The following STK3 variants were observed in gnomAD, a reference collection of about 807,000 sequenced individuals.
The protein encoded by STK3 is serine/threonine-protein kinase 3.
STK3 carries 41 observed loss-of-function variants against 58.0 expected under a neutral mutation model. The observed-to-expected ratio is 0.71, with a 90% CI of 0.55 to 0.92. The LOEUF is 0.92. Ranked by LOEUF, STK3 falls within the 40% of genes least tolerant of loss-of-function variation. The pLI, the probability that STK3 is intolerant of heterozygous loss-of-function variation, is 0.00. For missense variants in STK3, 479 were observed against 602.7 expected, an observed-to-expected ratio of 0.79 and a Z score of 2.15; for synonymous variants, 170 against 191.0, an observed-to-expected ratio of 0.89 and a Z score of 0.91.
At chr8:98,941,165 G>C (rs970159667) in intron 1 of STK3, among the ~76,000 whole-genome samples, 1 of 152,254 alleles carries the variant, frequency 6.6e-6, no homozygotes, top group Non-Finnish European at 1.5e-5. Flanking sequence ...ACTGCAGCCC[G>C]CGGCTGCGCT....
chr8:98,459,387 G>A (rs563110811), intron 10 of STK3, among the ~76,000 whole-genome samples: 2 of 152,330 alleles, frequency 1.3e-5, no homozygotes, highest in East Asian at 3.9e-4. Context: ...TTCACAAATA[G>A]ATGGTTTGAA....
intron 9 of STK3, among the ~76,000 whole-genome samples, chr8:98,536,405 G>A (rs1231129507): frequency 6.6e-6 from 1 of 151,964 alleles, no homozygotes; most frequent in Non-Finnish European, 1.5e-5. Flanking sequence ...ATAAGCTATG[G>A]GCTATGATCA....
rs543398589 is a variant in STK3 at position 98,909,488 on chromosome 8, T to A, written c.-78-25654A>T. Reference sequence around the variant, plus strand: ...TCACTTCAAAAAGAAATCTCCGTAATCTTTAACTACCACCTCCTTATCTAC... The same window carrying A: ...TCACTTCAAAAAGAAATCTCCGTAAACTTTAACTACCACCTCCTTATCTAC... On this transcript the variant is annotated intron_variant, in intron 1 of 1. Transcript: ENST00000519420. 2.0e-5 allele frequency among the ~76,000 whole-genome samples: 3 copies of A among 152,324 alleles called. No homozygotes were observed. The South Asian group carries it at 6.2e-4, about 32-fold the overall frequency.
Position 98,374,616 on chromosome 8 carries a change from C to T in STK3, n.112-2938G>A, listed in dbSNP as rs144747885. 3.3e-5 allele frequency among the ~76,000 whole-genome samples: 5 copies of T among 152,294 alleles called. No individual in the cohort carries two copies. The East Asian group carries it at 7.7e-4, about 24-fold the overall frequency. On this transcript the variant is annotated intron_variant and non_coding_transcript_variant, in intron 2 of 2. Transcript: ENST00000518704. ...AGTCAGTCCTGGAGAGCAAATGCTT[C>T]TTCCTCAGGAATTTTGCATGCAGTG...
At chr8:98,784,068 G>A (rs4292660) in intron 1 of STK3, among the ~76,000 whole-genome samples, 92,817 of 152,060 alleles carry the variant, frequency 0.61, 28,697 homozygotes, top group South Asian at 0.74. Context: ...GGTCAAGAAA[G>A]AGCACTTTGT....
At chr8:98,797,163 G>A (rs1833233171) in intron 1 of STK3, among the ~76,000 whole-genome samples, 1 of 152,100 alleles carries the variant, frequency 6.6e-6, no homozygotes, top group Non-Finnish European at 1.5e-5. Flanking sequence ...TACACTCATC[G>A]ATTACCTTAA....
intron 1 of STK3, among the ~76,000 whole-genome samples, chr8:98,816,000 A>ATC (rs1271315228): frequency 6.6e-6 from 1 of 152,174 alleles, no homozygotes; most frequent in African/African-American, 2.4e-5. Flanking sequence ...ATATATATAT[A>ATC]TCACAATGCC....
intron 10 of STK3, among the ~76,000 whole-genome samples, chr8:98,524,157 T>C (rs891248233): frequency 2.6e-5 from 4 of 152,230 alleles, no homozygotes; most frequent in Non-Finnish European, 2.9e-5. Flanking sequence ...CGAAAATCAT[T>C]TGACCATAGA....
intron 1 of STK3, among the ~76,000 whole-genome samples, chr8:98,907,666 C>T (rs375316001): frequency 2.6e-5 from 4 of 152,088 alleles, no homozygotes; most frequent in South Asian, 4.1e-4. Context: ...ATATGTATCC[C>T]GAAGAGAAAG....
intron 4 of STK3, among the ~76,000 whole-genome samples, chr8:98,717,128 A>T (rs1345686570): frequency 6.6e-6 from 1 of 152,132 alleles, no homozygotes; most frequent in African/African-American, 2.4e-5. Context: ...GATTTCTCAG[A>T]TACGACCAAA....
chr8:98,764,513 TA>T (rs1338090192), intron 3 of STK3, among the ~76,000 whole-genome samples: 1 of 152,176 alleles, frequency 6.6e-6, no homozygotes, highest in East Asian at 1.9e-4. Context: ...TGAAGTATCA[TA>T]AAAAGGAATA....
Position 98,541,400 on chromosome 8 carries a change from A to G in STK3, c.1141+6569T>C, listed in dbSNP as rs536841894. On this transcript the variant is annotated intron_variant, in intron 9 of 10. Coordinates refer to ENST00000419617, the MANE Select transcript of STK3 (RefSeq NM_006281.4). Reference sequence around the variant, plus strand: ...TCTTTCTCCCGTTCAGCCATGTAGGACGTGCCAGCTTCCCCGTCCCCTTCC... The same window carrying G: ...TCTTTCTCCCGTTCAGCCATGTAGGGCGTGCCAGCTTCCCCGTCCCCTTCC... 5.3e-5 allele frequency among the ~76,000 whole-genome samples: 8 copies of G among 152,162 alleles called. No individual in the cohort carries two copies. In the East Asian group the frequency reaches 1.4e-3, roughly 26 times the overall value.
intron 6 of STK3, chr8:98,651,549 C>T (rs563794878): frequency 7.9e-5 from 12 of 152,754 alleles, no homozygotes; most frequent in African/African-American, 2.9e-4. Context: ...CTCTGAGCTA[C>T]AGGAGGAAAT....
intron 3 of STK3, among the ~76,000 whole-genome samples, chr8:98,867,276 C>T (rs991973937): frequency 6.6e-6 from 1 of 152,012 alleles, no homozygotes; most frequent in East Asian, 1.9e-4. Flanking sequence ...ATTAGTTGGG[C>T]GTGGTGGCGC....
At chr8:98,358,503 C>T in the STK3 span, among the ~76,000 whole-genome samples, 1 of 152,086 alleles carries the variant, frequency 6.6e-6, no homozygotes, top group Non-Finnish European at 1.5e-5. Flanking sequence ...TCGTTCTTGC[C>T]CAGTGCCTGT....
Position 98,598,531 on chromosome 8 carries a change from G to C in STK3, c.685-2362C>G, listed in dbSNP as rs143744926. ...TCATCAATAATAGATTTTCTTGACA[G>C]CCTTACTGTACTAATTTAACTAATT... On this transcript the variant is annotated intron_variant, in intron 6 of 10. Coordinates refer to ENST00000419617, the MANE Select transcript of STK3 (RefSeq NM_006281.4). 3.5e-4 allele frequency: 346 copies of C among 985,330 alleles called. 2 individuals are homozygous for C. The African/African-American group carries it at 5.7e-3, about 16-fold the overall frequency. 61.0% of individuals were successfully genotyped at this position (985,330 alleles called of 1,614,324 possible).
intron 10 of STK3, among the ~76,000 whole-genome samples, chr8:98,523,375 CTTT>C (rs558917345): frequency 2.9e-5 from 4 of 137,690 alleles, no homozygotes; most frequent in Admixed American, 7.3e-5. Context: ...GTCCTTTGCC[CTTT>C]TTTTTTTTTT....
At chr8:98,794,897 G>A (rs540882297) in intron 1 of STK3, among the ~76,000 whole-genome samples, 4 of 150,574 alleles carry the variant, frequency 2.7e-5, no homozygotes, top group African/African-American at 4.9e-5. Flanking sequence ...GAGAAACCCC[G>A]GCTCTACTAA....
intron 3 of STK3, among the ~76,000 whole-genome samples, chr8:98,837,957 G>A (rs1835803524): frequency 6.6e-6 from 1 of 151,914 alleles, no homozygotes; most frequent in African/African-American, 2.4e-5. Context: ...GTCTTGGTGT[G>A]GTGGCTCACA....
Sources: gnomAD v4.1 joint callset for allele counts (sites outside exome capture counted in the v4.1 genomes callset) on GRCh38, gnomAD v4.1.1 for gene constraint, MANE v1.5 for transcripts, NCBI Gene and HGNC (gene_info 2026-07-23, HGNC 2026-07-21) for gene names.